The following MCRS1 variants were observed in gnomAD, a reference collection of about 807,000 sequenced individuals.
The protein encoded by MCRS1 is 58 kDa microspherule protein.
Under a neutral mutation model 62.9 loss-of-function variants are expected in MCRS1, and 22 were observed. The ratio of observed to expected loss-of-function variants is 0.35; its 90% CI spans 0.25 to 0.50. The LOEUF is 0.50. MCRS1 is among the 20% of genes least tolerant of loss of function. MCRS1 has a pLI of 0.98. For missense variants in MCRS1, 456 were observed against 601.1 expected, an observed-to-expected ratio of 0.76 and a Z score of 2.52; for synonymous variants, 244 against 233.5, an observed-to-expected ratio of 1.04 and a Z score of -0.41.
At chr12:49,560,088 G>A in intron 9 of MCRS1, 121 bp from the exon 10 acceptor site, 1 of 1,383,096 alleles carries the variant, frequency 7.2e-7, no homozygotes, top group South Asian at 1.2e-5. Flanking sequence ...ATCAGGCCTT[G>A]GCCCAGCCTC....
intron 1 of MCRS1, chr12:49,567,523 T>C (rs1565795657): frequency 6.6e-6 from 1 of 151,940 alleles, no homozygotes; most frequent in Non-Finnish European, 1.5e-5. Flanking sequence ...TCTAGCCCTG[T>C]CCCCAGGTGA....
Position 49,558,492 on chromosome 12 carries a change from G to T in MCRS1, c.*151C>A. On this transcript the variant is annotated 3_prime_UTR_variant, in exon 15 of 15. Coordinates refer to ENST00000343810, the MANE Select transcript of MCRS1 (RefSeq NM_006337.5). ...GCCTCTGCTGGCTTCACAAAGGCCA[G>T]CCCTATCCTCCCTCAAAGGCTCAAA... 1.3e-6 allele frequency: 1 copy of T among 758,248 alleles called. No individual in the cohort carries two copies. Among genetic ancestry groups the T allele is most frequent in the Non-Finnish European group, 2.1e-6 (1 of 476,984 alleles). 47.0% of individuals were successfully genotyped at this position (758,248 alleles called of 1,614,324 possible).
chr12:49,559,240 G>A lies in MCRS1; in HGVS notation c.1148C>T (p.Pro383Leu), dbSNP rs764938716. 5.0e-6 allele frequency: 8 copies of A among 1,614,012 alleles called. No individual in the cohort carries two copies. Among genetic ancestry groups the A allele is most frequent in the Non-Finnish European group, 6.8e-6 (8 of 1,179,968 alleles). The change falls in exon 13 of 15, where the codon CCG becomes CTG. Residue 383 changes from proline to leucine, a missense_variant. Physicochemically the swap from Pro to Leu is moderately conservative, Grantham distance 98. Transcript: ENST00000343810. This position sits in a 1 kb window ranked among gnomAD's most constrained non-coding sequence, Gnocchi z 5.2. ...QIDVDLSLEG[P>L]AWKISRKQGV... ...TTGTTTCCGGGATATCTTCCAGGCC[G>A]GACCCTCCAGAGACAGGTCCACATC...
rs577833183 is a variant in MCRS1 at position 49,560,163 on chromosome 12, G to T, written c.881+132C>A. ...GAGCCTAAGAAGGCCCCAGTGGGAG[G>T]GGAGGGGGCTCAGCCAGGGGGGGCC... On this transcript the variant is annotated intron_variant, in intron 9 of 14. Coordinates refer to ENST00000343810, the MANE Select transcript of MCRS1 (RefSeq NM_006337.5). The T allele has an allele frequency of 2.2e-3, 2,702 of 1,204,204 alleles. 7 individuals carry two copies. Among genetic ancestry groups the T allele is most frequent in the Middle Eastern group, 3.2e-3 (15 of 4,696 alleles). The allele number at this position is 1,204,204 out of a possible 1,614,324, so 74.6% of individuals were successfully genotyped here.
chr12:49,558,552 G>T lies in MCRS1; in HGVS notation c.*91C>A. 7.2e-7 allele frequency: 1 copy of T among 1,389,932 alleles called. No homozygotes were observed. The highest frequency in any genetic ancestry group is 1.0e-6 in the Non-Finnish European group (1 of 1,000,070). 86.1% of individuals were successfully genotyped at this position (1,389,932 alleles called of 1,614,324 possible). ...CGCAGCTGAGCCTCCCACTGCCCAG[G>T]TTTTTCCAGGAGCCTGAGTTCCCAG... On this transcript the variant is annotated 3_prime_UTR_variant, in exon 15 of 15. Coordinates refer to ENST00000343810, the MANE Select transcript of MCRS1 (RefSeq NM_006337.5).
rs907263102 is a variant in MCRS1, at chr12:49,559,127, C to T, written c.1174+87G>A. 4.5e-6 allele frequency: 7 copies of T among 1,539,166 alleles called. No individual in the cohort carries two copies. Among genetic ancestry groups the T allele is most frequent in the Non-Finnish European group, 6.2e-6 (7 of 1,121,514 alleles). ...GGTGGTCCACGAGGGTCCCCATGGA[C>T]ACCAAGCCCAGGGCTAGAAAGGACA... On this transcript the variant is annotated intron_variant, in intron 13 of 14. Coordinates refer to ENST00000343810, the MANE Select transcript of MCRS1 (RefSeq NM_006337.5). This position sits in a 1 kb window ranked among gnomAD's most constrained non-coding sequence, Gnocchi z 5.2.
In MCRS1 at chr12:49,559,892, C is replaced by G. The variant is rs778486278; in HGVS notation, c.910+47G>C. 9 of 1,614,152 alleles carry G rather than the reference C, an allele frequency of 5.6e-6. No homozygotes were observed. Among genetic ancestry groups the G allele is most frequent in the Admixed American group, 5.0e-5 (3 of 60,026 alleles). On this transcript the variant is annotated intron_variant, in intron 10 of 14. Coordinates refer to ENST00000343810, the MANE Select transcript of MCRS1 (RefSeq NM_006337.5). This position sits in a 1 kb window ranked among gnomAD's most constrained non-coding sequence, Gnocchi z 5.2. ...GCACCTTGTACTGGTCCTCTTGATT[C>G]TGGCAGGAGCTTCCATCCCCTCACC... is the stretch of plus-strand genomic sequence containing the variant.
intron 5 of MCRS1, 54 bp downstream of exon 5, chr12:49,564,683 G>A (rs528882226): frequency 1.9e-6 from 3 of 1,602,156 alleles, no homozygotes; most frequent in East Asian, 2.2e-5. Flanking sequence ...ATTTTGGGGT[G>A]CGAACTGGAG....
rs1462693780 is a variant in MCRS1, at chr12:49,559,825, G to C, written c.911-4C>G. ...CGCCGGTCAGCCACCATCAGCTCTG[G>C]GGTGAGGTGGGGTGGTAAGGAGGGA... On this transcript the variant is annotated splice_region_variant and splice_polypyrimidine_tract_variant and intron_variant, in intron 10 of 14. Transcript: ENST00000343810. This position sits in a 1 kb window ranked among gnomAD's most constrained non-coding sequence, Gnocchi z 5.2. The C allele has an allele frequency of 1.2e-6, 2 of 1,614,204 alleles. No homozygotes were observed. Among genetic ancestry groups the C allele is most frequent in the Non-Finnish European group, 1.7e-6 (2 of 1,180,012 alleles).
Position 49,559,213 on chromosome 12 carries a change from C to T in MCRS1, c.1174+1G>A, listed in dbSNP as rs376844077. 2 of 1,613,492 alleles carry T rather than the reference C, an allele frequency of 1.2e-6. No individual in the cohort carries two copies. Among genetic ancestry groups the T allele is most frequent in the Non-Finnish European group, 1.7e-6 (2 of 1,179,666 alleles). On this transcript the variant is annotated splice_donor_variant, in intron 13 of 14. Transcript: ENST00000343810. LOFTEE classifies it high-confidence loss of function. This position sits in a 1 kb window ranked among gnomAD's most constrained non-coding sequence, Gnocchi z 5.2. ...CTGCTGGGGCAGGGGGTGGGGGATA[C>T]CTTGTTTCCGGGATATCTTCCAGGC...
intron 5 of MCRS1, 29 bp downstream of exon 5, chr12:49,564,708 G>A: frequency 6.2e-7 from 1 of 1,602,892 alleles, no homozygotes; most frequent in Non-Finnish European, 8.5e-7. Flanking sequence ...GGGGAAAGGG[G>A]CACACTGAGC....
chr12:49,564,721 A>G lies in MCRS1; in HGVS notation c.447+16T>C, dbSNP rs1338017231. The stretch of plus-strand genomic sequence containing the variant: ...TGGGGGAAAGGGGCACACTGAGCCT[A>G]TGGTGGGGGCACTACCTGCAACACA... On this transcript the variant is annotated intron_variant, in intron 5 of 14. Coordinates refer to ENST00000343810, the MANE Select transcript of MCRS1 (RefSeq NM_006337.5). The G allele has an allele frequency of 6.2e-7, 1 of 1,605,890 alleles. No individual in the cohort carries two copies. Among genetic ancestry groups the G allele is most frequent in the Non-Finnish European group, 8.5e-7 (1 of 1,174,746 alleles).
chr12:49,561,968 G>A (rs1565790008), intron 8 of MCRS1, among the ~76,000 whole-genome samples: 2 of 152,230 alleles, frequency 1.3e-5, no homozygotes, highest in African/African-American at 4.8e-5. Context: ...AAAAAGAAAA[G>A]TTATCCAGTC....
At chr12:49,567,286 T>G (rs910277436) in intron 1 of MCRS1, among the ~76,000 whole-genome samples, 26 of 147,336 alleles carry the variant, frequency 1.8e-4, no homozygotes, top group Admixed American at 1.1e-3. Context: ...GTCCATCTCG[T>G]TTTTTTTTTG....
rs760564460 is a variant in MCRS1 at position 49,566,128 on chromosome 12, C to T, written c.98G>A (p.Arg33Gln). The T allele has an allele frequency of 3.8e-5, 61 of 1,614,106 alleles. No individual in the cohort carries two copies. The highest frequency in any genetic ancestry group is 1.9e-5 in the Non-Finnish European group (22 of 1,180,030). The stretch of plus-strand genomic sequence containing the variant: ...GGTGCCCAAGGCCTGGGAGGAGGCT[C>T]GCTTCTGCCCTGCCAGTGACTCCTC... The part of the protein sequence containing the change: ...EDEESLAGQK[R>Q]ASSQALGTIP... Residue 33 changes from arginine to glutamine, a missense_variant, in exon 3 of 15, where the codon CGA (arginine) becomes CAA (glutamine). Arg to Gln is a conservative substitution (Grantham distance 43). This residue lies in a region of MCRS1 where 55 missense variants were observed against 49.3 expected (regional missense o/e 1.12). Transcript: ENST00000343810.
chr12:49,565,984 G>A, intron 3 of MCRS1, 93 bp downstream of exon 3: 4 of 1,507,160 alleles, frequency 2.7e-6, no homozygotes, highest in South Asian at 2.6e-5. Context: ...AGGGGCTCAG[G>A]CAGCCATTCC....
chr12:49,567,115 G>A (rs558550829), intron 1 of MCRS1, among the ~76,000 whole-genome samples: 3 of 152,110 alleles, frequency 2.0e-5, no homozygotes, highest in South Asian at 2.1e-4. Context: ...AATTCTACTG[G>A]TATCTCCTAG....
chr12:49,559,047 G>A lies in MCRS1; in HGVS notation c.1175-77C>T. 1.9e-6 allele frequency: 3 copies of A among 1,591,042 alleles called. No individual in the cohort carries two copies. Among genetic ancestry groups the A allele is most frequent in the Non-Finnish European group, 2.6e-6 (3 of 1,164,610 alleles). ...GATGGGGAAAGGCCAGAGAGAGCCA[G>A]GAGCTTCCATGGACCAGCTCTGCTT... is the stretch of plus-strand genomic sequence containing the variant. On this transcript the variant is annotated intron_variant, in intron 13 of 14. Coordinates refer to ENST00000343810, the MANE Select transcript of MCRS1 (RefSeq NM_006337.5). The surrounding 1 kb of genome is among the most constrained non-coding windows in gnomAD (Gnocchi z 5.2).
In MCRS1 at chr12:49,559,932, T is replaced by A; in HGVS notation, c.910+7A>T. On this transcript the variant is annotated splice_region_variant and intron_variant, in intron 10 of 14. Transcript: ENST00000343810. This position sits in a 1 kb window ranked among gnomAD's most constrained non-coding sequence, Gnocchi z 5.2. ...ATCCCCTCACCACCCCATGAGGCCA[T>A]ACTTACCATGTTCCAGGACCTCATC... is the stretch of plus-strand genomic sequence containing the variant. 1 of 1,614,188 alleles carries A rather than the reference T, an allele frequency of 6.2e-7. No homozygotes were observed. Among genetic ancestry groups the A allele is most frequent in the Non-Finnish European group, 8.5e-7 (1 of 1,180,018 alleles).
Sources: gnomAD v4.1 joint callset for allele counts (sites outside exome capture counted in the v4.1 genomes callset) on GRCh38, gnomAD v4.1.1 for gene constraint, gnomAD v4.1.1 regional missense constraint, Gnocchi (gnomAD v3.1) non-coding constraint, MANE v1.5 for transcripts, NCBI Gene and HGNC (gene_info 2026-07-23, HGNC 2026-07-21) for gene names.